MET: variants seen among roughly 807,000 people sequenced by gnomAD.
MET encodes the protein MET proto-oncogene, receptor tyrosine kinase.
In MET, 48 loss-of-function variants were observed where a neutral mutation model predicts 133.1. The observed-to-expected ratio is 0.36, with a 90% CI of 0.29 to 0.46. The LOEUF (loss-of-function observed/expected upper bound fraction) is 0.46, where lower values mean the gene tolerates loss of function less well. Ranked by LOEUF, MET falls within the 20% of genes least tolerant of loss-of-function variation. The pLI is 1.00. For synonymous variants in MET, 628 were observed against 616.5 expected (o/e 1.02, Z -0.28); for missense variants, 1,442 against 1,695.9 (o/e 0.85, Z 2.63).
chr7:116,700,387 G>A, intron 2 of MET, 103 bp downstream of exon 2: 1 of 1,336,650 alleles, frequency 7.5e-7, no homozygotes, highest in Admixed American at 2.6e-5. Flanking sequence ...CTTTGTAAAT[G>A]GTGTTTATCC....
chr7:116,723,532 C>T (rs368863888), intron 2 of MET, among the ~76,000 whole-genome samples: 6 of 152,214 alleles, frequency 3.9e-5, no homozygotes, highest in Non-Finnish European at 5.9e-5. Flanking sequence ...TGAGGAACTG[C>T]GTTCCTTTGG....
At chr7:116,765,396 C>A (rs1252018592) in intron 11 of MET, among the ~76,000 whole-genome samples, 1 of 151,776 alleles carries the variant, frequency 6.6e-6, no homozygotes. Flanking sequence ...ATTTCATGCT[C>A]CTCATGCAGC....
chr7:116,762,143 A>T (rs1794424972), intron 10 of MET, among the ~76,000 whole-genome samples: 1 of 152,218 alleles, frequency 6.6e-6, no homozygotes, highest in Non-Finnish European at 1.5e-5. Flanking sequence ...TTGAAATGAG[A>T]CATGAAAGGG....
Position 116,796,165 on chromosome 7 carries a change from A to G in MET, c.*41A>G, listed in dbSNP as rs771518812. 12 of 1,588,294 alleles carry G rather than the reference A, an allele frequency of 7.6e-6. No homozygotes were observed. The highest frequency in any genetic ancestry group is 5.0e-5 in the Admixed American group (3 of 59,972). On this transcript the variant is annotated 3_prime_UTR_variant, in exon 21 of 21. Coordinates refer to ENST00000397752, the MANE Select transcript of MET (RefSeq NM_000245.4). ...AAAGCAACAGTCCACACTTTGTCCA[A>G]TGGTTTTTTCACTGCCTGACCTTTA...
chr7:116,771,687 T>C, intron 13 of MET, 33 bp downstream of exon 13: 1 of 1,612,208 alleles, frequency 6.2e-7, no homozygotes, highest in Non-Finnish European at 8.5e-7. Context: ...TTTTAGAAGT[T>C]ACCTTAAGAA....
intron 3 of MET, among the ~76,000 whole-genome samples, chr7:116,736,180 A>T (rs756777779): frequency 7.9e-5 from 12 of 152,190 alleles, no homozygotes; most frequent in Non-Finnish European, 1.6e-4. Flanking sequence ...TATGTCCATA[A>T]CTAAAAATCA....
At chr7:116,762,402 T>C (rs1794434918) in intron 10 of MET, among the ~76,000 whole-genome samples, 2 of 152,166 alleles carry the variant, frequency 1.3e-5, no homozygotes, top group South Asian at 4.1e-4. Context: ...TATAGGATTA[T>C]CAGGAGAATT....
At chr7:116,756,857 T>C (rs150289376) in intron 6 of MET, among the ~76,000 whole-genome samples, 2 of 152,316 alleles carry the variant, frequency 1.3e-5, no homozygotes, top group African/African-American at 4.8e-5. Flanking sequence ...TTATGCACTA[T>C]TCAACTGGTG....
At chr7:116,708,354 T>C (rs140234353) in intron 2 of MET, among the ~76,000 whole-genome samples, 54 of 152,292 alleles carry the variant, frequency 3.5e-4, no homozygotes, top group African/African-American at 1.1e-3. Context: ...ATATATAAAC[T>C]AATAGTCATT....
At chr7:116,677,822 C>A (rs1293201092) in intron 1 of MET, among the ~76,000 whole-genome samples, 2 of 152,198 alleles carry the variant, frequency 1.3e-5, no homozygotes, top group African/African-American at 2.4e-5. Context: ...AAACTATGTA[C>A]GTTTCTAAAC....
At chr7:116,732,147 GAAAAT>G (rs1793038010) in intron 3 of MET, among the ~76,000 whole-genome samples, 1 of 152,064 alleles carries the variant, frequency 6.6e-6, no homozygotes, top group Non-Finnish European at 1.5e-5. Flanking sequence ...CACGTGATTG[GAAAAT>G]AAAATGAAAC....
Position 116,699,397 on chromosome 7 carries a change from G to A in MET, c.313G>A (p.Ala105Thr), listed in dbSNP as rs774585404. 3 of 1,614,038 alleles carry A rather than the reference G, an allele frequency of 1.9e-6. No individual in the cohort carries two copies. Among genetic ancestry groups the A allele is most frequent in the Admixed American group, 1.7e-5 (1 of 59,998 alleles). Residue 105 changes from alanine (A) to threonine (T), a missense_variant, in exon 2 of 21, where the codon GCC becomes ACC. This residue lies in a region of MET where 762 missense variants were observed against 792.4 expected (regional missense o/e 0.96). Transcript: ENST00000397752. ...CCCATGTCAGGACTGCAGCAGCAAA[G>A]CCAATTTATCAGGAGGTGTTTGGAA... ...CFPCQDCSSKANLSGGVWKDN... is the reference protein window; with the variant it reads ...CFPCQDCSSKTNLSGGVWKDN...
intron 11 of MET, among the ~76,000 whole-genome samples, chr7:116,764,124 C>T (rs1160014764): frequency 1.3e-5 from 2 of 152,142 alleles, no homozygotes; most frequent in African/African-American, 2.4e-5. Flanking sequence ...TTTCATGGGT[C>T]ATCTCCATCT....
chr7:116,750,195 C>A (rs903826950), intron 5 of MET, among the ~76,000 whole-genome samples: 6 of 152,170 alleles, frequency 3.9e-5, no homozygotes, highest in African/African-American at 1.4e-4. Context: ...TACAAGGTTG[C>A]AGTAACCAAA....
chr7:116,713,565 C>T (rs1792084122), intron 2 of MET, among the ~76,000 whole-genome samples: 1 of 151,630 alleles, frequency 6.6e-6, no homozygotes, highest in South Asian at 2.1e-4. Flanking sequence ...GCAGTGAGAA[C>T]TGAGTAAGGG....
chr7:116,741,460 TC>T (rs1396170556), intron 5 of MET, among the ~76,000 whole-genome samples: 2 of 152,168 alleles, frequency 1.3e-5, no homozygotes, highest in Non-Finnish European at 2.9e-5. Context: ...TGAGCCTCCA[TC>T]ACAGAAACAG....
At chr7:116,721,902 C>T (rs2116715957) in intron 2 of MET, among the ~76,000 whole-genome samples, 1 of 151,994 alleles carries the variant, frequency 6.6e-6, no homozygotes, top group Non-Finnish European at 1.5e-5. Flanking sequence ...GCTTTACTTC[C>T]AAGTATGTGG....
chr7:116,751,053 C>A (rs1468927264), intron 5 of MET, among the ~76,000 whole-genome samples: 2 of 152,068 alleles, frequency 1.3e-5, no homozygotes, highest in South Asian at 2.1e-4. Context: ...ACCATTTGAC[C>A]CAGCAATCCC....
At chr7:116,697,519 A>T (rs1330605624) in intron 1 of MET, among the ~76,000 whole-genome samples, 1 of 152,202 alleles carries the variant, frequency 6.6e-6, no homozygotes, top group African/African-American at 2.4e-5. Flanking sequence ...TTAGTAGGGT[A>T]AAATTATTTT....
Sources: allele counts gnomAD v4.1 joint callset (sites outside exome capture counted in the v4.1 genomes callset), GRCh38; gene constraint gnomAD v4.1.1; regional missense constraint gnomAD v4.1.1; transcripts MANE v1.5; gene names NCBI Gene and HGNC (gene_info 2026-07-23, HGNC 2026-07-21).